The following ACTR3B variants were observed in gnomAD, a reference collection of about 807,000 sequenced individuals.
ACTR3B encodes the protein actin related protein 3B.
Under a neutral mutation model 59.0 loss-of-function variants are expected in ACTR3B, and 8 were observed. The observed-to-expected ratio is 0.14, with a 90% confidence interval of 0.08 to 0.24. The LOEUF is 0.24. ACTR3B is among the 10% of genes least tolerant of loss of function. ACTR3B has a pLI of 1.00. For synonymous variants in ACTR3B, 148 were observed against 197.9 expected, an observed-to-expected ratio of 0.75 and a Z score of 2.12; for missense variants, 245 against 552.3, an observed-to-expected ratio of 0.44 and a Z score of 5.58.
At chr7:152,846,343 A>G (rs1417870230) in intron 9 of ACTR3B, among the ~76,000 whole-genome samples, 1 of 140,106 alleles carries the variant, frequency 7.1e-6, no homozygotes, top group African/African-American at 2.7e-5. Context: ...CCCGGGCTGT[A>G]GTCTGCAGTG....
intron 7 of ACTR3B, among the ~76,000 whole-genome samples, chr7:152,821,787 C>T (rs111631337): frequency 6.6e-6 from 1 of 152,220 alleles, no homozygotes; most frequent in Non-Finnish European, 1.5e-5. Context: ...GTTCTCACCT[C>T]ACTTCTCTCT....
At chr7:152,771,346 T>C (rs981306733) in intron 1 of ACTR3B, among the ~76,000 whole-genome samples, 35 of 152,128 alleles carry the variant, frequency 2.3e-4, no homozygotes, top group Non-Finnish European at 3.8e-4. Context: ...TTTTAAAAGA[T>C]TAAAGAAAGC....
At chr7:152,810,517 T>C (rs1795137546) in intron 4 of ACTR3B, among the ~76,000 whole-genome samples, 1 of 150,774 alleles carries the variant, frequency 6.6e-6, no homozygotes, top group South Asian at 2.1e-4. Flanking sequence ...CACTACAGCC[T>C]CGACCTCCTG....
chr7:152,829,552 CAG>C (rs910357312), intron 9 of ACTR3B, among the ~76,000 whole-genome samples: 11 of 152,148 alleles, frequency 7.2e-5, no homozygotes, highest in African/African-American at 2.4e-4. Context: ...CCAGAAATGA[CAG>C]GGGTGGGGCC....
intron 9 of ACTR3B, among the ~76,000 whole-genome samples, chr7:152,850,946 A>T (rs1364600455): frequency 6.6e-6 from 1 of 151,906 alleles, no homozygotes; most frequent in Non-Finnish European, 1.5e-5. Flanking sequence ...GGGCTTTTTG[A>T]CTCCTTGAAG....
chr7:152,781,193 GTTTTT>G (rs369933153), intron 1 of ACTR3B, among the ~76,000 whole-genome samples: 14 of 94,420 alleles, frequency 1.5e-4, no homozygotes, highest in African/African-American at 5.8e-4. Flanking sequence ...CGTTTCAGTG[GTTTTT>G]TTTTTTTTTT....
intron 4 of ACTR3B, among the ~76,000 whole-genome samples, chr7:152,810,425 T>TG (rs1795124478): frequency 3.3e-5 from 4 of 121,134 alleles, no homozygotes; most frequent in Non-Finnish European, 5.4e-5. Context: ...TTTTTTTTTT[T>TG]TTTGTTGTTG....
chr7:152,834,963 C>G (rs887605879), intron 9 of ACTR3B, among the ~76,000 whole-genome samples: 1 of 152,140 alleles, frequency 6.6e-6, no homozygotes, highest in African/African-American at 2.4e-5. Flanking sequence ...GTCCAGAAGA[C>G]TGCTGACCGC....
chr7:152,840,340 A>G (rs549172601), intron 9 of ACTR3B, among the ~76,000 whole-genome samples: 1 of 151,674 alleles, frequency 6.6e-6, no homozygotes, highest in South Asian at 2.1e-4. Flanking sequence ...AAGAGAACCC[A>G]CTGTGCTTGT....
intron 2 of ACTR3B, among the ~76,000 whole-genome samples, chr7:152,794,992 T>C (rs2098211027): frequency 6.6e-6 from 1 of 151,858 alleles, no homozygotes; most frequent in South Asian, 2.1e-4. Flanking sequence ...TTTATCCTGT[T>C]ACCTCAAGAT....
At chr7:152,781,566 G>A (rs551958020) in intron 1 of ACTR3B, among the ~76,000 whole-genome samples, 1 of 152,164 alleles carries the variant, frequency 6.6e-6, no homozygotes, top group Non-Finnish European at 1.5e-5. Flanking sequence ...ATTTTTGTGG[G>A]AAGTAGCTGA....
At chr7:152,805,948 A>C (rs1434812995) in intron 4 of ACTR3B, among the ~76,000 whole-genome samples, 1 of 152,150 alleles carries the variant, frequency 6.6e-6, no homozygotes, top group Non-Finnish European at 1.5e-5. Context: ...GGTTGGTTTT[A>C]TGATAGTCAT....
intron 1 of ACTR3B, among the ~76,000 whole-genome samples, chr7:152,760,895 C>G (rs2098087410): frequency 6.6e-6 from 1 of 151,988 alleles, no homozygotes; most frequent in Non-Finnish European, 1.5e-5. Context: ...AATTTGGTCT[C>G]TTAGCGATTT....
Position 152,798,900 on chromosome 7 carries a change from A to G in ACTR3B, c.101-1631A>G, listed in dbSNP as rs1029839979. On this transcript the variant is annotated intron_variant, in intron 2 of 11. Transcript: ENST00000256001. Reference sequence around the variant, plus strand: ...ATGCTGTTTTGATTACTGTAGCTTTATAGTGTACTTTGAAGTCAGGTAGTG... The same window carrying G: ...ATGCTGTTTTGATTACTGTAGCTTTGTAGTGTACTTTGAAGTCAGGTAGTG... Among the ~76,000 whole-genome samples the G allele has an allele frequency of 3.7e-4, 56 of 152,144 alleles. 1 individual carries two copies. The highest frequency in any genetic ancestry group is 1.1e-3 in the African/African-American group (47 of 41,432).
Position 152,764,947 on chromosome 7 carries a change from T to G in ACTR3B, c.44+5021T>G, listed in dbSNP as rs2098103534. On this transcript the variant is annotated intron_variant, in intron 1 of 11. Coordinates refer to ENST00000256001, the MANE Select transcript of ACTR3B (RefSeq NM_020445.6). ...CTGTAACAGAATACCACACACCGGG[T>G]AATTTATAAAGAAAAGAATAGAATG... Among the ~76,000 whole-genome samples the G allele has an allele frequency of 1.3e-5, 2 of 152,160 alleles. 1 individual carries two copies. The highest frequency in any genetic ancestry group is 4.1e-4 in the South Asian group (2 of 4,830).
chr7:152,831,597 A>T (rs1417848351), intron 9 of ACTR3B, among the ~76,000 whole-genome samples: 1 of 152,270 alleles, frequency 6.6e-6, no homozygotes, highest in Non-Finnish European at 1.5e-5. Flanking sequence ...GTCCTACAGG[A>T]CGACTCAGAT....
At chr7:152,797,595 C>T (rs1303407854) in intron 2 of ACTR3B, among the ~76,000 whole-genome samples, 1 of 152,116 alleles carries the variant, frequency 6.6e-6, no homozygotes, top group Non-Finnish European at 1.5e-5. Flanking sequence ...TAACTGTTGT[C>T]ACGTCGTTGT....
chr7:152,764,437 T>TCC (rs147572105), intron 1 of ACTR3B, among the ~76,000 whole-genome samples: 352 of 151,598 alleles, frequency 2.3e-3, no homozygotes, highest in African/African-American at 8.2e-3. Context: ...ATCGAGACCA[T>TCC]CCTGGCTAAC....
chr7:152,818,749 T>C (rs1590356304), intron 6 of ACTR3B, among the ~76,000 whole-genome samples: 1 of 152,366 alleles, frequency 6.6e-6, no homozygotes, highest in East Asian at 1.9e-4. Context: ...ATGCCCGGCC[T>C]AAGCTCTTTT....
Sources: allele counts gnomAD v4.1 joint callset (sites outside exome capture counted in the v4.1 genomes callset), GRCh38; gene constraint gnomAD v4.1.1; transcripts MANE v1.5; gene names NCBI Gene and HGNC (gene_info 2026-07-23, HGNC 2026-07-21).